Variants in C2CD2 observed in about 807,000 individuals in gnomAD.
C2CD2 encodes C2 calcium dependent domain containing 2.
C2CD2 carries 43 observed loss-of-function variants against 74.3 expected under a neutral mutation model. The ratio of observed to expected loss-of-function variants is 0.58; its 90% CI spans 0.45 to 0.75. C2CD2 has a LOEUF of 0.75. Ranked by LOEUF, C2CD2 falls within the 30% of genes least tolerant of loss-of-function variation. The probability of loss-of-function intolerance (pLI) is 0.00; values close to 1 mark genes in which losing one functional copy is unlikely to be tolerated. For missense variants in C2CD2, 801 were observed against 916.3 expected (o/e 0.87, Z 1.63); for synonymous variants, 422 against 390.7 (o/e 1.08, Z -0.94).
intron 11 of C2CD2, 72 bp from the exon 12 acceptor site, chr21:41,901,821 T>C: frequency 7.4e-7 from 1 of 1,356,106 alleles, no homozygotes; most frequent in East Asian, 2.3e-5. Context: ...CCAGGGATAA[T>C]GGAAATGGTC....
chr21:41,931,581 C>T (rs578044004), intron 2 of C2CD2, among the ~76,000 whole-genome samples: 1 of 149,918 alleles, frequency 6.7e-6, no homozygotes, highest in South Asian at 2.1e-4. Context: ...TGCCACCACG[C>T]CCAGCTAATT....
intron 11 of C2CD2, among the ~76,000 whole-genome samples, chr21:41,902,853 A>G (rs2064915682): frequency 6.6e-6 from 1 of 152,118 alleles, no homozygotes; most frequent in Non-Finnish European, 1.5e-5. Flanking sequence ...CTCATTCCTA[A>G]TAAGCCCCTG....
At position 41,927,935 on chromosome 21, in the gene C2CD2, C is replaced by T. The variant is rs528122885; in HGVS notation, c.379-5850G>A. Among the ~76,000 whole-genome samples, 10 of 152,324 alleles carry T rather than the reference C, an allele frequency of 6.6e-5. No individual in the cohort carries two copies. The East Asian group carries it at 1.9e-3, about 29-fold the overall frequency. The stretch of plus-strand genomic sequence containing the variant: ...CTCCAACCCCGCCCCCAGCAACACT[C>T]TCCTCCCTTTTCTTGTTACATACTT... On this transcript the variant is annotated intron_variant, in intron 2 of 13. Transcript: ENST00000380486.
chr21:41,929,928 T>C lies in C2CD2; in HGVS notation c.379-7843A>G, dbSNP rs1484317869. Among the ~76,000 whole-genome samples the C allele has an allele frequency of 6.6e-6, 1 of 152,240 alleles. No homozygotes were observed. Among genetic ancestry groups the C allele is most frequent in the Non-Finnish European group, 1.5e-5 (1 of 68,040 alleles). Reference sequence around the variant, plus strand: ...TTAGCTTAGGGGAAGAACAGGCTTCTGCCTTAAGGGTACCCCTTTGCTTTT... The same window carrying C: ...TTAGCTTAGGGGAAGAACAGGCTTCCGCCTTAAGGGTACCCCTTTGCTTTT... On this transcript the variant is annotated intron_variant, in intron 2 of 13. Transcript: ENST00000380486. The surrounding 1 kb of genome is among the most constrained non-coding windows in gnomAD (Gnocchi z 4.6).
At chr21:41,889,546 GA>G (rs1482536091) in intron 13 of C2CD2, among the ~76,000 whole-genome samples, 4 of 152,122 alleles carry the variant, frequency 2.6e-5, no homozygotes, top group Non-Finnish European at 5.9e-5. Context: ...AGATGAAAAG[GA>G]AACGAGATTA....
At chr21:41,901,323 G>A in intron 12 of C2CD2, 1 of 451,972 alleles carries the variant, frequency 2.2e-6, no homozygotes, top group Non-Finnish European at 4.1e-6. Context: ...GTACCAAAGG[G>A]GAGTCTTACA....
intron 8 of C2CD2, 25 bp from the exon 9 acceptor site, chr21:41,907,809 G>C: frequency 6.2e-7 from 1 of 1,613,694 alleles, no homozygotes; most frequent in East Asian, 2.2e-5. Context: ...GACAGGCAAG[G>C]GGTGCCGCTG....
At chr21:41,944,559 G>T (rs572157474) in intron 1 of C2CD2, among the ~76,000 whole-genome samples, 1 of 147,640 alleles carries the variant, frequency 6.8e-6, no homozygotes, top group East Asian at 2.0e-4. Context: ...AAAAGAGTTT[G>T]CTGGAAAACT....
chr21:41,912,348 C>A lies in C2CD2; in HGVS notation c.937G>T (p.Glu313Ter). 6.2e-7 allele frequency: 1 copy of A among 1,610,738 alleles called. No homozygotes were observed. The highest frequency in any genetic ancestry group is 8.5e-7 in the Non-Finnish European group (1 of 1,178,494). The change falls in exon 7 of 14, where the codon GAA becomes TAA. Residue 313 changes from glutamate to a stop codon, truncating the protein, a stop_gained. Transcript: ENST00000380486. LOFTEE classifies it high-confidence loss of function. ...LTKNTPDLMW[E>*]EEFTFELNAK... ...CAGACTCACAAGGTGAATTCCTCTT[C>A]CCACATGAGGTCCGGAGTGTTTTTC...
intron 7 of C2CD2, chr21:41,912,038 T>C (rs1460968869): frequency 3.4e-6 from 1 of 290,170 alleles, no homozygotes; most frequent in Non-Finnish European, 6.4e-6. Flanking sequence ...CTGGATTCAG[T>C]CAGAGGCTCC....
chr21:41,921,132 G>A (rs977734282), intron 3 of C2CD2, among the ~76,000 whole-genome samples: 3 of 152,226 alleles, frequency 2.0e-5, no homozygotes, highest in African/African-American at 7.2e-5. Flanking sequence ...CCATGCCTTT[G>A]TAGGAAAAGC....
intron 1 of C2CD2, among the ~76,000 whole-genome samples, chr21:41,943,805 T>A (rs1348446028): frequency 6.6e-6 from 1 of 152,226 alleles, no homozygotes; most frequent in Non-Finnish European, 1.5e-5. Context: ...ACCCTTTTCT[T>A]ACACTGTCTA....
intron 2 of C2CD2, among the ~76,000 whole-genome samples, chr21:41,928,037 T>C (rs980357210): frequency 6.6e-6 from 1 of 152,238 alleles, no homozygotes; most frequent in Non-Finnish European, 1.5e-5. Flanking sequence ...ATGTGGCCAT[T>C]CTACACAGAA....
rs1294259506 is a variant in C2CD2 at position 41,932,777 on chromosome 21, G to C, written c.378+9370C>G. 2.7e-5 allele frequency among the ~76,000 whole-genome samples: 4 copies of C among 150,708 alleles called. No homozygotes were observed. The East Asian group carries it at 5.8e-4, about 22-fold the overall frequency. ...ACTCAAGCTGCTCCAAGTTCTGGAA[G>C]ACCGCACTCTGTGTAGACTATGCAG... On this transcript the variant is annotated intron_variant, in intron 2 of 13. Transcript: ENST00000380486.
At chr21:41,905,368 A>T (rs563313684) in intron 11 of C2CD2, among the ~76,000 whole-genome samples, 1 of 138,814 alleles carries the variant, frequency 7.2e-6, no homozygotes, top group Admixed American at 7.6e-5. Flanking sequence ...CCCAGGTTGG[A>T]GTGCAGTGGT....
chr21:41,944,521 C>CAA (rs369422328), intron 1 of C2CD2, among the ~76,000 whole-genome samples: 1,497 of 97,642 alleles, frequency 0.015, 43 homozygotes, highest in African/African-American at 0.04. Context: ...GACTCTGCCT[C>CAA]AAAAAAAAAA....
rs750675433 is a variant in C2CD2, at chr21:41,953,681, C to T, written c.-33G>A. On this transcript the variant is annotated 5_prime_UTR_variant, in exon 1 of 14. Transcript: ENST00000380486. The stretch of plus-strand genomic sequence containing the variant: ...CCCCGGCCCGCCTCGCCCCAACTTC[C>T]CCGGCAGCCCCGGGCCGGAACGGCG... 7 of 1,369,260 alleles carry T rather than the reference C, an allele frequency of 5.1e-6. No individual in the cohort carries two copies. The highest frequency in any genetic ancestry group is 2.6e-4 in the Middle Eastern group (1 of 3,778). 84.8% of individuals were successfully genotyped at this position (1,369,260 alleles called of 1,614,324 possible). A position where few individuals can be genotyped will look rare whatever the true frequency, so the allele number is the denominator to read the frequency against.
Position 41,953,679 on chromosome 21 carries a change from TC to T in C2CD2, c.-32del. On this transcript the variant is annotated 5_prime_UTR_variant, in exon 1 of 14. Coordinates refer to ENST00000380486, the MANE Select transcript of C2CD2 (RefSeq NM_015500.2). Reference sequence around the variant, plus strand: ...ATCCCCGGCCCGCCTCGCCCCAACTTCCCCGGCAGCCCCGGGCCGGAACGGC... The same window carrying T: ...ATCCCCGGCCCGCCTCGCCCCAACTTCCCGGCAGCCCCGGGCCGGAACGGC... 3.6e-6 allele frequency: 5 copies of T among 1,373,756 alleles called. No individual in the cohort carries two copies. Among genetic ancestry groups the T allele is most frequent in the South Asian group, 1.6e-5 (1 of 61,688 alleles). The allele number at this position is 1,373,756 out of a possible 1,614,324, so 85.1% of individuals were successfully genotyped here. A position where few individuals can be genotyped will look rare whatever the true frequency, so the allele number is the denominator to read the frequency against.
rs1246098145 is a variant in C2CD2, at chr21:41,942,170, C to T, written c.355G>A (p.Val119Met). Residue 119 changes from valine (V) to methionine (M), a missense_variant, in exon 2 of 14, where the codon GTG becomes ATG. Physicochemically the swap from Val to Met is conservative, Grantham distance 21 (BLOSUM62 1). Transcript: ENST00000380486. Reference sequence around the variant, plus strand: ...ACCTTCTCCTCCGCCGACCTGAGCACGCTGGAGACCTCCTGCACCACCAGC... The same window carrying T: ...ACCTTCTCCTCCGCCGACCTGAGCATGCTGGAGACCTCCTGCACCACCAGC... ...LELVVQEVSS[V>M]LRSAEEKVVV... 5.8e-6 allele frequency: 9 copies of T among 1,549,346 alleles called. No homozygotes were observed. Among genetic ancestry groups the T allele is most frequent in the East Asian group, 2.4e-5 (1 of 40,928 alleles).
Sources: gnomAD v4.1 joint callset for allele counts (sites outside exome capture counted in the v4.1 genomes callset) on GRCh38, gnomAD v4.1.1 for gene constraint, Gnocchi (gnomAD v3.1) non-coding constraint, MANE v1.5 for transcripts, NCBI Gene and HGNC (gene_info 2026-07-23, HGNC 2026-07-21) for gene names.